NPEPPS: variants seen among roughly 807,000 people sequenced by gnomAD.
NPEPPS encodes the protein puromycin-sensitive aminopeptidase.
Under a neutral mutation model 115.5 loss-of-function variants are expected in NPEPPS, and 14 were observed. The observed-to-expected ratio is 0.12, with a 90% CI of 0.08 to 0.19. The LOEUF (loss-of-function observed/expected upper bound fraction) is 0.19, where lower values mean the gene tolerates loss of function less well. NPEPPS is among the 10% of genes least tolerant of loss of function. NPEPPS has a pLI of 1.00. For missense variants in NPEPPS, 523 were observed against 1,110.8 expected (o/e 0.47, Z 7.52); for synonymous variants, 285 against 390.6 (o/e 0.73, Z 3.19).
rs547387858 is a variant in NPEPPS at position 47,596,555 on chromosome 17, C to T, written c.1536+93C>T. The T allele has an allele frequency of 4.4e-4, 293 of 662,272 alleles. 1 individual carries two copies. Among genetic ancestry groups the T allele is most frequent in the African/African-American group, 4.0e-3 (214 of 54,110 alleles). 41.0% of individuals were successfully genotyped at this position (662,272 alleles called of 1,614,324 possible). ...TTTGCTTTTCTGTACTTTAAGTTTT[C>T]TAGTGACATTTAAACCAGCCCTGTT... On this transcript the variant is annotated intron_variant, in intron 13 of 22. Coordinates refer to ENST00000322157, the MANE Select transcript of NPEPPS (RefSeq NM_006310.4).
At position 47,621,805 on chromosome 17, in the gene NPEPPS, G is replaced by A. The variant is rs1179179896; in HGVS notation, c.2645G>A (p.Arg882His). 3.1e-6 allele frequency: 5 copies of A among 1,613,048 alleles called. No individual in the cohort carries two copies. The highest frequency in any genetic ancestry group is 1.1e-5 in the South Asian group (1 of 91,014). ...FESHPAPSAE[R>H]TIQQCCENIL... ...AGTCACCCAGCTCCTTCAGCTGAGC[G>A]TACCATCCAGCAGTGTTGTGAAAAT... The change falls in exon 23 of 23, where the codon CGT becomes CAT. Residue 882 changes from arginine to histidine, a missense_variant. By Grantham distance (29) the Arg-to-His change is conservative. Around this residue, in one of 4 missense-constraint regions of NPEPPS, gnomAD observed 372 missense variants for 542.6 expected, o/e 0.69. Coordinates refer to ENST00000322157, the MANE Select transcript of NPEPPS (RefSeq NM_006310.4).
intron 9 of NPEPPS, among the ~76,000 whole-genome samples, chr17:47,588,397 A>C (rs987605072): frequency 3.3e-5 from 5 of 151,876 alleles, no homozygotes; most frequent in African/African-American, 2.4e-5. Context: ...CCCCATCTCC[A>C]CTAAAAAAAA....
At chr17:47,558,893 G>A (rs1054617319) in intron 2 of NPEPPS, among the ~76,000 whole-genome samples, 18 of 152,232 alleles carry the variant, frequency 1.2e-4, no homozygotes, top group African/African-American at 4.3e-4. Flanking sequence ...AATTAGCCGG[G>A]CATGGTGGCG....
intron 2 of NPEPPS, among the ~76,000 whole-genome samples, chr17:47,555,054 G>C (rs1321215339): frequency 6.6e-6 from 1 of 152,196 alleles, no homozygotes. Context: ...TGAAACTGCA[G>C]ATAAGGGGGG....
chr17:47,575,797 A>G (rs1911484785), intron 3 of NPEPPS, among the ~76,000 whole-genome samples: 1 of 151,622 alleles, frequency 6.6e-6, no homozygotes, highest in Non-Finnish European at 1.5e-5. Context: ...TTTAGTAGAG[A>G]TGGGGTTTCA....
intron 2 of NPEPPS, among the ~76,000 whole-genome samples, chr17:47,553,014 G>T (rs111948706): frequency 6.6e-5 from 10 of 151,990 alleles, no homozygotes; most frequent in African/African-American, 2.2e-4. Flanking sequence ...TAATATAACC[G>T]CACCATATTG....
At chr17:47,599,825 T>TA in intron 14 of NPEPPS, 86 bp downstream of exon 14, 1 of 1,187,782 alleles carries the variant, frequency 8.4e-7, no homozygotes, top group Non-Finnish European at 1.2e-6. Flanking sequence ...AGGAAATTTT[T>TA]CTTTTTTTTT....
At chr17:47,597,221 AT>A (rs1912936769) in intron 13 of NPEPPS, among the ~76,000 whole-genome samples, 1 of 152,244 alleles carries the variant, frequency 6.6e-6, no homozygotes, top group Admixed American at 6.5e-5. Context: ...TGGCAGTGTG[AT>A]TTTAATTAGG....
intron 1 of NPEPPS, among the ~76,000 whole-genome samples, chr17:47,533,025 TAATGA>T (rs900607662): frequency 2.6e-5 from 4 of 152,194 alleles, no homozygotes; most frequent in African/African-American, 7.2e-5. Flanking sequence ...GTGTATATAG[TAATGA>T]AATGAAGTGA....
At chr17:47,604,648 CAG>C (rs1169409370) in intron 16 of NPEPPS, among the ~76,000 whole-genome samples, 2 of 152,172 alleles carry the variant, frequency 1.3e-5, no homozygotes, top group Non-Finnish European at 2.9e-5. Flanking sequence ...CTCCCCTCTG[CAG>C]TCATTGGTTT....
chr17:47,570,895 A>G (rs983542828), intron 3 of NPEPPS, among the ~76,000 whole-genome samples: 6 of 152,234 alleles, frequency 3.9e-5, no homozygotes, highest in African/African-American at 7.2e-5. Flanking sequence ...CAGTATATCA[A>G]GAGCCTAAAT....
chr17:47,538,526 C>G (rs1023489833), intron 1 of NPEPPS, among the ~76,000 whole-genome samples: 4 of 104,446 alleles, frequency 3.8e-5, no homozygotes, highest in African/African-American at 7.7e-5. Context: ...TATCTGTTTT[C>G]TTTTTTTTTT....
At chr17:47,585,189 C>T (rs1488136581) in intron 5 of NPEPPS, among the ~76,000 whole-genome samples, 1 of 152,082 alleles carries the variant, frequency 6.6e-6, no homozygotes, top group Non-Finnish European at 1.5e-5. Flanking sequence ...AAGTATGAAG[C>T]CCTTAACTTA....
At chr17:47,531,718 C>G (rs1187850115) in intron 1 of NPEPPS, among the ~76,000 whole-genome samples, 163 bp downstream of exon 1, 2 of 123,790 alleles carry the variant, frequency 1.6e-5, no homozygotes, top group Non-Finnish European at 3.3e-5. Flanking sequence ...TCTGTTGGGG[C>G]TGGGGCTGGG....
intron 15 of NPEPPS, among the ~76,000 whole-genome samples, chr17:47,602,342 C>A (rs1040916597): frequency 3.3e-5 from 5 of 151,570 alleles, no homozygotes; most frequent in Admixed American, 3.3e-4. Flanking sequence ...AAAAAAAGCC[C>A]GCCGAACGCT....
At chr17:47,590,994 A>G (rs928646355) in intron 10 of NPEPPS, 113 bp downstream of exon 10, 5 of 1,420,232 alleles carry the variant, frequency 3.5e-6, no homozygotes, top group Non-Finnish European at 4.7e-6. Flanking sequence ...AGCATGGGTG[A>G]TTTTACTGGT....
At chr17:47,608,991 C>T (rs1431731354) in intron 17 of NPEPPS, among the ~76,000 whole-genome samples, 1 of 152,118 alleles carries the variant, frequency 6.6e-6, no homozygotes, top group Non-Finnish European at 1.5e-5. Context: ...GGAGACAACA[C>T]ACTTAGACAA....
upstream of NPEPPS, among the ~76,000 whole-genome samples, chr17:47,530,461 A>G (rs1437324812): frequency 7.2e-6 from 1 of 138,426 alleles, no homozygotes; most frequent in African/African-American, 2.8e-5. Context: ...GGTTCACGCC[A>G]TTCTCCTGCC....
At chr17:47,530,116 T>TG (rs1907631030), upstream of NPEPPS, among the ~76,000 whole-genome samples, 1 of 143,584 alleles carries the variant, frequency 7.0e-6, no homozygotes, top group East Asian at 2.1e-4. Context: ...TTTTTTTTTT[T>TG]GTATTTTTAG....
Sources: allele counts gnomAD v4.1 joint callset (sites outside exome capture counted in the v4.1 genomes callset), GRCh38; gene constraint gnomAD v4.1.1; regional missense constraint gnomAD v4.1.1; transcripts MANE v1.5; gene names NCBI Gene and HGNC (gene_info 2026-07-23, HGNC 2026-07-21).